Variants in VANGL2 observed in about 807,000 individuals in gnomAD.
VANGL2 encodes VANGL planar cell polarity protein 2.
A neutral mutation model predicts 50.2 loss-of-function variants in VANGL2; 14 were observed. That is an observed-to-expected ratio of 0.28 (90% CI 0.18 to 0.44). VANGL2 has a LOEUF of 0.44. Among genes scored for constraint, VANGL2 ranks in the 20% least tolerant of loss-of-function variants. The pLI is 1.00. For synonymous variants in VANGL2, 295 were observed against 297.2 expected, an observed-to-expected ratio of 0.99 and a Z score of 0.08; for missense variants, 533 against 701.5, an observed-to-expected ratio of 0.76 and a Z score of 2.71.
intron 1 of VANGL2, among the ~76,000 whole-genome samples, chr1:160,404,269 A>AT (rs1385568592): frequency 1.3e-5 from 2 of 152,176 alleles, no homozygotes; most frequent in Admixed American, 1.3e-4. Context: ...AAACATGTTG[A>AT]TTCACTGCAG....
intron 7 of VANGL2, 80 bp downstream of exon 7, chr1:160,424,363 C>G (rs1473150000): frequency 2.2e-6 from 3 of 1,361,548 alleles, no homozygotes. Flanking sequence ...CTTATTCTCT[C>G]ACTACTTTCC....
chr1:160,410,388 C>A (rs1434179789), intron 1 of VANGL2, among the ~76,000 whole-genome samples: 2 of 152,124 alleles, frequency 1.3e-5, no homozygotes, highest in East Asian at 3.9e-4. Context: ...CTGGTTTCCA[C>A]AGCTCTTTCT....
Position 160,420,537 on chromosome 1 carries a change from C to T in VANGL2, c.927C>T (p.Ser309=), listed in dbSNP as rs1159234753. The T allele has an allele frequency of 1.9e-6, 3 of 1,614,090 alleles. No individual in the cohort carries two copies. The African/African-American group carries it at 4.0e-5, about 22-fold the overall frequency. ...AKKVSGFKVY[S]LGEENSTNNS... Reference sequence around the variant, plus strand: ...AAGTGTCTGGCTTCAAGGTGTATTCCCTCGGAGAGGGTGAGCAGCCCTGCT... The same window carrying T: ...AAGTGTCTGGCTTCAAGGTGTATTCTCTCGGAGAGGGTGAGCAGCCCTGCT... The change falls in exon 5 of 8, where the codon TCC becomes TCT. Residue 309 remains serine, a synonymous_variant. Transcript: ENST00000368061.
At chr1:160,407,800 T>C (rs965089630) in intron 1 of VANGL2, among the ~76,000 whole-genome samples, 5 of 152,140 alleles carry the variant, frequency 3.3e-5, no homozygotes, top group African/African-American at 1.2e-4. Flanking sequence ...CTTCCACAGC[T>C]CACCTGGTGG....
rs1184911885 is a variant in VANGL2 at position 160,400,886 on chromosome 1, G to C, written c.-191+17G>C. The C allele has an allele frequency of 1.3e-5, 2 of 152,404 alleles. No homozygotes were observed. Among genetic ancestry groups the C allele is most frequent in the Admixed American group, 1.3e-4 (2 of 15,304 alleles). 9.4% of individuals were successfully genotyped at this position (152,404 alleles called of 1,614,324 possible). A position where few individuals can be genotyped will look rare whatever the true frequency, so the allele number is the denominator to read the frequency against. On this transcript the variant is annotated intron_variant, in intron 1 of 7. Transcript: ENST00000368061. ...CAGCGGCGGGTGAGTGCCGGGCCGC[G>C]GGGGCGCGGGCAAAGTTTGAAAAAA... is the stretch of plus-strand genomic sequence containing the variant.
At chr1:160,420,071 C>T (rs1651213714) in intron 4 of VANGL2, among the ~76,000 whole-genome samples, 1 of 152,026 alleles carries the variant, frequency 6.6e-6, no homozygotes, top group Non-Finnish European at 1.5e-5. Context: ...AACAAGCTAC[C>T]CCTCGAGGCC....
chr1:160,420,710 C>T lies in VANGL2; in HGVS notation c.937+163C>T, dbSNP rs552346842. On this transcript the variant is annotated intron_variant, in intron 5 of 7. Coordinates refer to ENST00000368061, the MANE Select transcript of VANGL2 (RefSeq NM_020335.3). ...CTTGACTCCAGGTGGCTGATCTTAGCTGCTCATCCTACTTGCTGTCCCTTT... is the reference window on the plus strand; with the variant it reads ...CTTGACTCCAGGTGGCTGATCTTAGTTGCTCATCCTACTTGCTGTCCCTTT... Among the ~76,000 whole-genome samples, 4 of 152,356 alleles carry T rather than the reference C, an allele frequency of 2.6e-5. No individual in the cohort carries two copies. In the East Asian group the frequency reaches 7.7e-4, roughly 29 times the overall value.
At position 160,420,518 on chromosome 1, in the gene VANGL2, C is replaced by T. The variant is rs1432013469; in HGVS notation, c.908C>T (p.Ser303Phe). ...LPKSVLAKKV[S>F]GFKVYSLGEE... ...AAGTCCGTCCTGGCCAAGAAAGTGT[C>T]TGGCTTCAAGGTGTATTCCCTCGGA... is the stretch of plus-strand genomic sequence containing the variant. Residue 303 changes from serine to phenylalanine, a missense_variant, in exon 5 of 8, where the codon TCT becomes TTT. Coordinates refer to ENST00000368061, the MANE Select transcript of VANGL2 (RefSeq NM_020335.3). The T allele has an allele frequency of 6.2e-7, 1 of 1,614,156 alleles. No individual in the cohort carries two copies. The highest frequency in any genetic ancestry group is 2.2e-5 in the East Asian group (1 of 44,880).
intron 1 of VANGL2, among the ~76,000 whole-genome samples, chr1:160,404,594 C>T (rs1650589497): frequency 1.3e-5 from 2 of 152,128 alleles, no homozygotes; most frequent in South Asian, 2.1e-4. Context: ...CTGGCAACCA[C>T]CAATTTGCAT....
chr1:160,410,636 C>T (rs1054854229), intron 1 of VANGL2, among the ~76,000 whole-genome samples: 5 of 151,826 alleles, frequency 3.3e-5, no homozygotes, highest in Admixed American at 1.3e-4. Flanking sequence ...AGGGTTGGTC[C>T]GCCCTGGTCT....
At chr1:160,413,657 C>A (rs1483416000) in intron 1 of VANGL2, among the ~76,000 whole-genome samples, 3 of 152,052 alleles carry the variant, frequency 2.0e-5, no homozygotes, top group Non-Finnish European at 2.9e-5. Context: ...GCCTTGAGAC[C>A]CCACTCTTCT....
chr1:160,414,167 C>T (rs1650978884), intron 1 of VANGL2, among the ~76,000 whole-genome samples: 1 of 152,194 alleles, frequency 6.6e-6, no homozygotes, highest in Admixed American at 6.5e-5. Flanking sequence ...CTATTTTTCC[C>T]TCTTTTCAAT....
At chr1:160,420,875 T>A (rs1379263531) in intron 5 of VANGL2, among the ~76,000 whole-genome samples, 177 bp from the exon 6 acceptor site, 4 of 152,184 alleles carry the variant, frequency 2.6e-5, no homozygotes, top group Non-Finnish European at 5.9e-5. Flanking sequence ...GTGCCTTCCT[T>A]GTTGCTTTCC....
At chr1:160,423,788 C>A (rs1651352595) in intron 6 of VANGL2, among the ~76,000 whole-genome samples, 2 of 152,256 alleles carry the variant, frequency 1.3e-5, no homozygotes, top group Non-Finnish European at 2.9e-5. Context: ...AATGCTTTGT[C>A]TTTCCTATAG....
At position 160,415,875 on chromosome 1, in the gene VANGL2, A is replaced by C. The variant is rs1557908854; in HGVS notation, c.38A>C (p.Lys13Thr). The part of the protein sequence containing the change: ...TESQYSGYSY[K>T]SGHSRSSRKH... ...TCCCAGTACTCGGGCTATTCCTACA[A>C]GTCGGGCCACTCCCGCAGCTCCCGC... Residue 13 changes from lysine to threonine, a missense_variant, in exon 2 of 8, where the codon AAG (lysine) becomes ACG (threonine). By Grantham distance (78) the Lys-to-Thr change is moderately conservative (BLOSUM62 -1). Transcript: ENST00000368061. The C allele has an allele frequency of 6.2e-7, 1 of 1,613,940 alleles. No homozygotes were observed. The highest frequency in any genetic ancestry group is 8.5e-7 in the Non-Finnish European group (1 of 1,179,998).
chr1:160,420,805 C>T (rs1478368791), intron 5 of VANGL2, among the ~76,000 whole-genome samples: 1 of 152,204 alleles, frequency 6.6e-6, no homozygotes, highest in Non-Finnish European at 1.5e-5. Flanking sequence ...CCCTTTGGCT[C>T]TCGGAGCTGC....
intron 1 of VANGL2, among the ~76,000 whole-genome samples, chr1:160,404,608 G>C (rs748937284): frequency 1.3e-5 from 2 of 152,078 alleles, no homozygotes; most frequent in African/African-American, 4.8e-5. Context: ...TTTGCATCCT[G>C]TCTCTATGGA....
At chr1:160,424,365 CT>C (rs68148622) in intron 7 of VANGL2, 82 bp downstream of exon 7, 59,648 of 1,339,038 alleles carry the variant, frequency 0.045, 1,964 homozygotes, top group African/African-American at 0.15. Flanking sequence ...TATTCTCTCA[CT>C]ACTTTCCTCA....
At chr1:160,401,136 G>A (rs889603766) in intron 1 of VANGL2, among the ~76,000 whole-genome samples, 97 of 152,222 alleles carry the variant, frequency 6.4e-4, no homozygotes, top group African/African-American at 2.2e-3. Flanking sequence ...GCCCAGGCCT[G>A]GAGAGCCGGG....
Sources: gnomAD v4.1 joint callset for allele counts (sites outside exome capture counted in the v4.1 genomes callset) on GRCh38, gnomAD v4.1.1 for gene constraint, MANE v1.5 for transcripts, NCBI Gene and HGNC (gene_info 2026-07-23, HGNC 2026-07-21) for gene names.